The following IL22 variants were observed in gnomAD, a reference collection of about 807,000 sequenced individuals.
The protein encoded by IL22 is interleukin 22.
Under a neutral mutation model 15.5 loss-of-function variants are expected in IL22, and 15 were observed. The ratio of observed to expected loss-of-function variants is 0.97; its 90% confidence interval spans 0.65 to 1.49. The LOEUF (loss-of-function observed/expected upper bound fraction) is 1.49. Ranked by LOEUF, IL22 falls within the 40% of genes most tolerant of loss-of-function variation. The probability of loss-of-function intolerance (pLI) is 0.00; values close to 1 mark genes in which losing one functional copy is unlikely to be tolerated. For missense variants in IL22, 225 were observed against 215.4 expected (o/e 1.04, Z -0.28); for synonymous variants, 91 against 82.0 (o/e 1.11, Z -0.60).
Position 68,252,564 on chromosome 12 carries a change from C to T in IL22, c.336G>A (p.Gln112=), listed in dbSNP as rs980553264. The T allele has an allele frequency of 6.2e-7, 1 of 1,614,040 alleles. No individual in the cohort carries two copies. Among genetic ancestry groups the T allele is most frequent in the South Asian group, 1.1e-5 (1 of 91,084 alleles). ...AGGGCACCACCTCCTGCATATAAGG[C>T]TGGAACCTATCAGATTGAGGGAACA... ...EVLFPQSDRF[Q]PYMQEVVPFL... The change falls in exon 4 of 6, where the codon CAG becomes CAA. Residue 112 remains glutamine, a synonymous_variant. Coordinates refer to ENST00000538666, the MANE Select transcript of IL22 (RefSeq NM_020525.5).
At position 68,252,986 on chromosome 12, in the gene IL22, C is replaced by T. The variant is rs2227488; in HGVS notation, c.187-157G>A. ...ATGAGTTTAGAACAATGCACAGAGGCATAAAGGAAAAAAAAAATCATCAGA... is the reference window on the plus strand; with the variant it reads ...ATGAGTTTAGAACAATGCACAGAGGTATAAAGGAAAAAAAAAATCATCAGA... On this transcript the variant is annotated intron_variant, in intron 2 of 5. Coordinates refer to ENST00000538666, the MANE Select transcript of IL22 (RefSeq NM_020525.5). 7.9e-3 allele frequency among the ~76,000 whole-genome samples: 1,111 copies of T among 140,840 alleles called. 18 individuals carry two copies. Among genetic ancestry groups the T allele is most frequent in the African/African-American group, 0.027 (1,034 of 38,428 alleles). 92.4% of individuals were successfully genotyped at this position (140,840 alleles called of 152,430 possible).
Position 68,248,679 on chromosome 12 carries a change from A to G in IL22, c.*120T>C, listed in dbSNP as rs1869818848. 1.4e-6 allele frequency: 1 copy of G among 740,268 alleles called. No homozygotes were observed. The highest frequency in any genetic ancestry group is 2.3e-6 in the Non-Finnish European group (1 of 433,304). The allele number at this position is 740,268 out of a possible 1,614,324, so 45.9% of individuals were successfully genotyped here. A position where few individuals can be genotyped will look rare whatever the true frequency, so the allele number is the denominator to read the frequency against. ...GCAGGGGTTCATTTGGAATCCACCC[A>G]TCATGATGGAGTTTGGCTTCCCATC... On this transcript the variant is annotated 3_prime_UTR_variant, in exon 6 of 6. Transcript: ENST00000538666.
intron 2 of IL22, among the ~76,000 whole-genome samples, 174 bp downstream of exon 2, chr12:68,253,089 A>AG (rs1180073022): frequency 1.1e-5 from 1 of 94,608 alleles, no homozygotes; most frequent in African/African-American, 5.3e-5. Context: ...AAGAAGTTCA[A>AG]GAAAAAAAAA....
chr12:68,252,702 T>C (rs2120556731), intron 3 of IL22, 55 bp from the exon 4 acceptor site: 1 of 1,612,738 alleles, frequency 6.2e-7, no homozygotes, highest in African/African-American at 1.3e-5. Flanking sequence ...TAAACCATCA[T>C]CACCACCACC....
Position 68,253,332 on chromosome 12 carries a change from G to A in IL22, c.117C>T (p.His39=). ...GGAAGTTGGACTTGTCAAGCCTGCA[G>A]TGGGAGCTGATGGGCGCAGCTGCTC... ...QGGAAAPISS[H]CRLDKSNFQQ... The change falls in exon 2 of 6, where the codon CAC becomes CAT. Residue 39 remains histidine, a synonymous_variant. Transcript: ENST00000538666. 1 of 1,613,906 alleles carries A rather than the reference G, an allele frequency of 6.2e-7. No homozygotes were observed. Among genetic ancestry groups the A allele is most frequent in the South Asian group, 1.1e-5 (1 of 91,048 alleles).
chr12:68,249,800 C>T (rs1764493771), intron 5 of IL22, among the ~76,000 whole-genome samples: 1 of 152,188 alleles, frequency 6.6e-6, no homozygotes, highest in African/African-American at 2.4e-5. Flanking sequence ...AAAACCTTGT[C>T]ACCATTGTCC....
chr12:68,251,649 G>T, intron 4 of IL22, 71 bp from the exon 5 acceptor site: 1 of 1,128,526 alleles, frequency 8.9e-7, no homozygotes, highest in Non-Finnish European at 1.3e-6. Context: ...CACCCATGGA[G>T]GTACAGTACA....
chr12:68,248,776 T>C lies in IL22; in HGVS notation c.*23A>G. ...TCTAGCAGGGAAAGGGGGTTAGTTA[T>C]TCATTTTTCAGCTTTGCTCTGGTCA... On this transcript the variant is annotated 3_prime_UTR_variant, in exon 6 of 6. Coordinates refer to ENST00000538666, the MANE Select transcript of IL22 (RefSeq NM_020525.5). 1.3e-6 allele frequency: 2 copies of C among 1,588,354 alleles called. No homozygotes were observed. Among genetic ancestry groups the C allele is most frequent in the Middle Eastern group, 1.7e-4 (1 of 5,992 alleles).
At chr12:68,251,927 A>G (rs1231993647) in intron 4 of IL22, among the ~76,000 whole-genome samples, 1 of 152,186 alleles carries the variant, frequency 6.6e-6, no homozygotes, top group African/African-American at 2.4e-5. Context: ...TACATAAAAC[A>G]TCTCATGTGA....
At chr12:68,249,681 C>G (rs779723811) in intron 5 of IL22, among the ~76,000 whole-genome samples, 3 of 152,174 alleles carry the variant, frequency 2.0e-5, no homozygotes, top group Non-Finnish European at 4.4e-5. Flanking sequence ...CTCTCCAAGT[C>G]AAATGCAGAT....
Position 68,248,700 on chromosome 12 carries a change from C to A in IL22, c.*99G>T. ...ACCCATCATGATGGAGTTTGGCTTC[C>A]CATCTTCCTTTTGGTTAAAAAAAAT... On this transcript the variant is annotated 3_prime_UTR_variant, in exon 6 of 6. Coordinates refer to ENST00000538666, the MANE Select transcript of IL22 (RefSeq NM_020525.5). The A allele has an allele frequency of 1.1e-6, 1 of 897,698 alleles. No individual in the cohort carries two copies. Among genetic ancestry groups the A allele is most frequent in the Non-Finnish European group, 1.8e-6 (1 of 568,000 alleles). 55.6% of individuals were successfully genotyped at this position (897,698 alleles called of 1,614,324 possible).
chr12:68,248,625 A>G lies in IL22; in HGVS notation c.*174T>C, dbSNP rs1039600353. The G allele has an allele frequency of 5.3e-5, 31 of 585,332 alleles. No homozygotes were observed. Among genetic ancestry groups the G allele is most frequent in the Admixed American group, 1.8e-4 (6 of 33,810 alleles). The allele number at this position is 585,332 out of a possible 1,614,324, so 36.3% of individuals were successfully genotyped here. A position where few individuals can be genotyped will look rare whatever the true frequency, so the allele number is the denominator to read the frequency against. ...GTCTACCTTCTGGTCTTATAAACAA[A>G]AGTGGCATTGGTTTCCTTTGTAACT... On this transcript the variant is annotated 3_prime_UTR_variant, in exon 6 of 6. Transcript: ENST00000538666.
At chr12:68,253,208 A>G in intron 2 of IL22, 55 bp downstream of exon 2, 3 of 1,466,688 alleles carry the variant, frequency 2.0e-6, no homozygotes, top group Non-Finnish European at 2.8e-6. Flanking sequence ...AAAGTTTAAG[A>G]ACTATTTGGA....
intron 5 of IL22, 140 bp from the exon 6 acceptor site, chr12:68,249,016 T>C: frequency 1.5e-6 from 1 of 672,748 alleles, no homozygotes. Flanking sequence ...GTAATATCCC[T>C]TTAGTATTGT....
rs773738599 is a variant in IL22, at chr12:68,252,838, GAAGAA to G, written c.187-14_187-10del. Reference sequence around the variant, plus strand: ...TTATCAGCCAAGCTAGCCTGGAAGAGAAGAAAAGACTAAGGGTCTGGACATTGAGC... The same window carrying G: ...TTATCAGCCAAGCTAGCCTGGAAGAGAAGACTAAGGGTCTGGACATTGAGC... On this transcript the variant is annotated splice_polypyrimidine_tract_variant and intron_variant, in intron 2 of 5. Transcript: ENST00000538666. 6.2e-7 allele frequency: 1 copy of G among 1,613,008 alleles called. No homozygotes were observed. Among genetic ancestry groups the G allele is most frequent in the South Asian group, 1.1e-5 (1 of 91,040 alleles).
chr12:68,249,299 G>A (rs1003866112), intron 5 of IL22, among the ~76,000 whole-genome samples: 11 of 152,168 alleles, frequency 7.2e-5, no homozygotes, highest in South Asian at 2.1e-4. Context: ...CCCACAGGCC[G>A]CACATGGCCC....
chr12:68,248,893 GC>G lies in IL22; in HGVS notation c.463-18del, dbSNP rs766365368. On this transcript the variant is annotated intron_variant, in intron 5 of 5. Transcript: ENST00000538666. ...CTCTCCAAGCTGTGAAAATAAGAAT[GC>G]AAAAGTATTTGAGCATTTATGCCAT... The G allele has an allele frequency of 2.5e-6, 4 of 1,598,294 alleles. No homozygotes were observed. The highest frequency in any genetic ancestry group is 3.4e-6 in the Non-Finnish European group (4 of 1,166,870).
At chr12:68,252,040 C>T (rs924581259) in intron 4 of IL22, among the ~76,000 whole-genome samples, 6 of 152,108 alleles carry the variant, frequency 3.9e-5, no homozygotes, top group Non-Finnish European at 4.4e-5. Flanking sequence ...AGTTCACACG[C>T]CTCCGATTTT....
At chr12:68,251,349 T>C (rs566810331) in intron 5 of IL22, among the ~76,000 whole-genome samples, 164 bp downstream of exon 5, 3 of 152,254 alleles carry the variant, frequency 2.0e-5, no homozygotes, top group South Asian at 4.1e-4. Flanking sequence ...GAAACTGACA[T>C]CTAGATATAT....
Sources: allele counts gnomAD v4.1 joint callset (sites outside exome capture counted in the v4.1 genomes callset), GRCh38; gene constraint gnomAD v4.1.1; transcripts MANE v1.5; gene names NCBI Gene and HGNC (gene_info 2026-07-23, HGNC 2026-07-21).